PPP2R3B: variants seen among roughly 807,000 people sequenced by gnomAD.
PPP2R3B encodes the protein protein phosphatase 2 regulatory subunit B''beta.
Under a neutral mutation model 72.9 loss-of-function variants are expected in PPP2R3B, and 68 were observed. The ratio of observed to expected loss-of-function variants is 0.93; its 90% CI spans 0.77 to 1.14. PPP2R3B has a LOEUF of 1.14. Ranked by LOEUF, PPP2R3B falls within the 50% of genes most tolerant of loss-of-function variation. The pLI is 0.00. For synonymous variants in PPP2R3B, 466 were observed against 375.8 expected, an observed-to-expected ratio of 1.24 and a Z score of -2.78; for missense variants, 1,018 against 842.0, an observed-to-expected ratio of 1.21 and a Z score of -2.59.
chrX:353,648 T>G (rs180952317), intron 2 of PPP2R3B, among the ~76,000 whole-genome samples: 1 of 152,386 alleles, frequency 6.6e-6, no homozygotes, highest in African/African-American at 2.4e-5. Context: ...AGGCCAGTCC[T>G]TCACGAGCGC....
intron 2 of PPP2R3B, chrX:359,724 C>T (rs1480837583): frequency 5.0e-5 from 20 of 396,416 alleles, no homozygotes; most frequent in Non-Finnish European, 9.9e-5. Context: ...GCTAATTTTT[C>T]TCTAAGAAAT....
chrX:353,444 C>T (rs1266927607), intron 2 of PPP2R3B, among the ~76,000 whole-genome samples: 2 of 152,056 alleles, frequency 1.3e-5, no homozygotes, highest in Non-Finnish European at 2.9e-5. Context: ...TCATTAAAAA[C>T]CTTCCCACAG....
chrX:340,987 C>T (rs371068009), intron 9 of PPP2R3B, 47 bp from the exon 10 acceptor site: 2 of 1,587,304 alleles, frequency 1.3e-6, no homozygotes, highest in Non-Finnish European at 1.7e-6. Flanking sequence ...GCCCTCCCAG[C>T]CCGTGACCTG....
chrX:371,341 C>T (rs768582686), intron 1 of PPP2R3B, among the ~76,000 whole-genome samples: 4 of 152,314 alleles, frequency 2.6e-5, no homozygotes, highest in African/African-American at 9.6e-5. Flanking sequence ...ACGGCGTGAA[C>T]GCATGCTGTT....
At position 386,685 on chromosome X, in the gene PPP2R3B, G is replaced by GC; in HGVS notation, c.6dup (p.Pro3AlafsTer100). On this transcript the variant is annotated frameshift_variant, in exon 1 of 13. Transcript: ENST00000390665. LOFTEE classifies it high-confidence loss of function. ...AGGACCGGCTGCAGCACTTTGCCGG[G>GC]CGGCATGGCGGGGGCTGGGCCCGCG... The GC allele has an allele frequency of 7.7e-7, 1 of 1,302,678 alleles. No individual in the cohort carries two copies. The highest frequency in any genetic ancestry group is 1.5e-5 in the African/African-American group (1 of 64,658). The allele number at this position is 1,302,678 out of a possible 1,614,324, so 80.7% of individuals were successfully genotyped here.
chrX:350,656 C>G (rs770924166), intron 2 of PPP2R3B, among the ~76,000 whole-genome samples: 2 of 152,338 alleles, frequency 1.3e-5, no homozygotes, highest in Admixed American at 1.3e-4. Flanking sequence ...GAGGTGGCAA[C>G]AAGAACATGA....
At chrX:353,102 G>T (rs191964597) in intron 2 of PPP2R3B, among the ~76,000 whole-genome samples, 62 of 152,104 alleles carry the variant, frequency 4.1e-4, no homozygotes, top group Non-Finnish European at 5.7e-4. Flanking sequence ...GGCCGGGTGC[G>T]GTGGCTCAGG....
chrX:378,637 G>A (rs1156298137), intron 1 of PPP2R3B, among the ~76,000 whole-genome samples: 2 of 151,952 alleles, frequency 1.3e-5, no homozygotes, highest in South Asian at 2.1e-4. Flanking sequence ...TTCAAAACCC[G>A]TCCACCTCAT....
intron 2 of PPP2R3B, among the ~76,000 whole-genome samples, chrX:359,670 C>T (rs1248349314): frequency 2.0e-5 from 3 of 152,182 alleles, no homozygotes; most frequent in East Asian, 1.9e-4. Flanking sequence ...TCTACAAATA[C>T]GGAGTGACTT....
intron 7 of PPP2R3B, among the ~76,000 whole-genome samples, chrX:344,066 C>G (rs746323775): frequency 2.2e-5 from 2 of 90,196 alleles, no homozygotes; most frequent in African/African-American, 4.9e-5. Flanking sequence ...GGAGACGTCG[C>G]CAACGGGAGG....
chrX:363,423 G>A (rs1438484764), intron 1 of PPP2R3B, among the ~76,000 whole-genome samples: 19 of 40,628 alleles, frequency 4.7e-4, no homozygotes, highest in East Asian at 7.9e-4. Context: ...GCATCTCCCC[G>A]AGCCCGCGAT....
Position 386,396 on chromosome X carries a change from C to A in PPP2R3B, c.296G>T (p.Gly99Val), listed in dbSNP as rs1244312800. The A allele has an allele frequency of 1.5e-6, 2 of 1,320,732 alleles. No homozygotes were observed. The highest frequency in any genetic ancestry group is 1.9e-6 in the Non-Finnish European group (2 of 1,029,646). The allele number at this position is 1,320,732 out of a possible 1,614,324, so 81.8% of individuals were successfully genotyped here. The change falls in exon 1 of 13, where the codon GGC becomes GTC. Residue 99 changes from glycine (G) to valine (V), a missense_variant. By Grantham distance (109) the Gly-to-Val change is moderately radical (BLOSUM62 -3). Coordinates refer to ENST00000390665, the MANE Select transcript of PPP2R3B (RefSeq NM_013239.5). ...TCTCGTCCCTGCGGATCTACGGGTG[C>A]CTCGAACGTGGGGCGCGTTCCTGGG... ...SSPRNAPHVR[G>V]TRRSAGTRVV... is the part of the protein sequence containing the mutation.
chrX:359,093 A>AGC (rs1405118820), intron 2 of PPP2R3B, among the ~76,000 whole-genome samples: 3 of 152,162 alleles, frequency 2.0e-5, no homozygotes, highest in Non-Finnish European at 4.4e-5. Flanking sequence ...AAGCGGACGC[A>AGC]GCGCGTGAGC....
chrX:380,786 C>CAA (rs1054118917), intron 1 of PPP2R3B, among the ~76,000 whole-genome samples: 284 of 52,708 alleles, frequency 5.4e-3, no homozygotes, highest in Admixed American at 7.0e-3. Flanking sequence ...AACTCCATCT[C>CAA]AAAAAAAAAA....
intron 5 of PPP2R3B, 40 bp downstream of exon 5, chrX:346,654 ACCCGCGC>A (rs1439104076): frequency 6.5e-7 from 1 of 1,550,256 alleles, no homozygotes; most frequent in Non-Finnish European, 8.8e-7. Flanking sequence ...CTGCAGAAAC[ACCCGCGC>A]CCCGCGCTGG....
chrX:383,465 C>T (rs747099820), intron 1 of PPP2R3B, among the ~76,000 whole-genome samples: 7 of 152,250 alleles, frequency 4.6e-5, no homozygotes, highest in South Asian at 4.1e-4. Flanking sequence ...ACCAGCCATA[C>T]GTGTTTCTAT....
chrX:378,566 C>T lies in PPP2R3B; in HGVS notation c.324+7802G>A, dbSNP rs1270126159. Among the ~76,000 whole-genome samples, 5 of 152,256 alleles carry T rather than the reference C, an allele frequency of 3.3e-5. No homozygotes were observed. In the East Asian group the frequency reaches 7.7e-4, roughly 24 times the overall value. ...AATCCTGTCCTCACCCTGCAGGTGC[C>T]GTCTGCAGAGCACGGCTTCCTCCCT... is the stretch of plus-strand genomic sequence containing the variant. On this transcript the variant is annotated intron_variant, in intron 1 of 12. Transcript: ENST00000390665.
intron 4 of PPP2R3B, 48 bp from the exon 5 acceptor site, chrX:346,823 C>A: frequency 6.4e-7 from 1 of 1,555,514 alleles, no homozygotes; most frequent in East Asian, 2.3e-5. Context: ...CCGGCCCTCC[C>A]GTGAGGTGTG....
chrX:376,178 C>T (rs2071988180), intron 1 of PPP2R3B, among the ~76,000 whole-genome samples: 2 of 147,804 alleles, frequency 1.4e-5, no homozygotes, highest in Admixed American at 1.4e-4. Context: ...GGGACAAGAG[C>T]GAGACTTCGT....
Sources: allele counts gnomAD v4.1 joint callset (sites outside exome capture counted in the v4.1 genomes callset), GRCh38; gene constraint gnomAD v4.1.1; transcripts MANE v1.5; gene names NCBI Gene and HGNC (gene_info 2026-07-23, HGNC 2026-07-21).